The following FARS2 variants were observed in gnomAD, a reference collection of about 807,000 sequenced individuals.
FARS2 encodes the protein phenylalanyl-tRNA synthetase 2, mitochondrial.
A neutral mutation model predicts 46.4 loss-of-function variants in FARS2; 40 were observed. The observed-to-expected ratio is 0.86, with a 90% CI of 0.67 to 1.12. The LOEUF (loss-of-function observed/expected upper bound fraction) is 1.12, where lower values mean the gene tolerates loss of function less well. Ranked by LOEUF, FARS2 falls within the 50% of genes most tolerant of loss-of-function variation. FARS2 has a pLI of 0.00. For missense variants in FARS2, 513 were observed against 567.9 expected (o/e 0.90, Z 0.98); for synonymous variants, 234 against 214.9 (o/e 1.09, Z -0.78).
At chr6:5,673,779 G>A (rs141993705) in intron 6 of FARS2, among the ~76,000 whole-genome samples, 2 of 152,252 alleles carry the variant, frequency 1.3e-5, no homozygotes, top group African/African-American at 4.8e-5. Context: ...CCAGCATAAT[G>A]ATCTCTGCAG....
intron 6 of FARS2, among the ~76,000 whole-genome samples, chr6:5,704,297 G>T (rs905578214): frequency 9.9e-5 from 15 of 152,270 alleles, no homozygotes; most frequent in African/African-American, 3.6e-4. Flanking sequence ...GAGCTCTCCA[G>T]GGCCCCTTTA....
rs542223719 is a variant in FARS2 at position 5,691,554 on chromosome 6, T to C, written c.1217+78234T>C. Reference sequence around the variant, plus strand: ...TGCCTGATCGTTCCTCTGGAAGTTTTGTCTCAGAGGAGTACCCGGCCGTGT... The same window carrying C: ...TGCCTGATCGTTCCTCTGGAAGTTTCGTCTCAGAGGAGTACCCGGCCGTGT... On this transcript the variant is annotated intron_variant, in intron 6 of 6. Coordinates refer to ENST00000274680, the MANE Select transcript of FARS2 (RefSeq NM_006567.5). 5.8e-3 allele frequency among the ~76,000 whole-genome samples: 887 copies of C among 152,328 alleles called. 1 individual carries two copies. The highest frequency in any genetic ancestry group is 0.01 in the Non-Finnish European group (706 of 68,026).
intron 6 of FARS2, among the ~76,000 whole-genome samples, chr6:5,658,390 T>G (rs1042093124): frequency 6.6e-6 from 1 of 152,210 alleles, no homozygotes; most frequent in East Asian, 1.9e-4. Context: ...ACATAATCTT[T>G]CCAAGACTTT....
At chr6:5,409,629 G>A (rs528911180) in intron 3 of FARS2, among the ~76,000 whole-genome samples, 2 of 152,194 alleles carry the variant, frequency 1.3e-5, no homozygotes, top group South Asian at 4.1e-4. Context: ...CTGTAAGACT[G>A]AGCTGGCAGA....
intron 5 of FARS2, among the ~76,000 whole-genome samples, chr6:5,587,717 C>A (rs1200450854): frequency 6.6e-6 from 1 of 152,078 alleles, no homozygotes; most frequent in African/African-American, 2.4e-5. Context: ...TTAAAGAGAG[C>A]ATCTGTTAAC....
intron 4 of FARS2, among the ~76,000 whole-genome samples, chr6:5,465,437 T>C (rs967189026): frequency 1.3e-5 from 2 of 152,236 alleles, no homozygotes; most frequent in Admixed American, 1.3e-4. Context: ...TAGTCTTACT[T>C]GCGTATTATA....
At chr6:5,427,513 C>G (rs972664322) in intron 3 of FARS2, among the ~76,000 whole-genome samples, 43 of 152,134 alleles carry the variant, frequency 2.8e-4, no homozygotes, top group African/African-American at 1.0e-3. Context: ...GATTTTAAAA[C>G]GAAACTGAGC....
At chr6:5,260,932 G>C, upstream of FARS2, 1 of 1,353,988 alleles carries the variant, frequency 7.4e-7, no homozygotes, top group Non-Finnish European at 9.5e-7. Flanking sequence ...CGCTTCGGGG[G>C]CGGGCGCAGG....
At chr6:5,348,990 A>G (rs1757408374) in intron 1 of FARS2, among the ~76,000 whole-genome samples, 1 of 152,230 alleles carries the variant, frequency 6.6e-6, no homozygotes, top group Non-Finnish European at 1.5e-5. Flanking sequence ...AAGGCAAGGA[A>G]AATAAAAGAC....
chr6:5,574,895 A>C (rs1582483418), intron 5 of FARS2, among the ~76,000 whole-genome samples: 1 of 152,290 alleles, frequency 6.6e-6, no homozygotes, highest in East Asian at 1.9e-4. Context: ...CTGCATATAC[A>C]AAATGTCAGC....
intron 4 of FARS2, among the ~76,000 whole-genome samples, chr6:5,444,159 A>T (rs1316286597): frequency 6.6e-6 from 1 of 151,120 alleles, no homozygotes; most frequent in East Asian, 2.0e-4. Context: ...ATATGTTCGC[A>T]ATATAATCTT....
At chr6:5,340,654 G>T (rs1324701419) in intron 1 of FARS2, among the ~76,000 whole-genome samples, 2 of 152,184 alleles carry the variant, frequency 1.3e-5, no homozygotes, top group African/African-American at 2.4e-5. Flanking sequence ...ATGCAAAGAT[G>T]GAAGTAGGTC....
intron 6 of FARS2, among the ~76,000 whole-genome samples, chr6:5,750,858 A>T (rs1761906059): frequency 6.6e-6 from 1 of 152,122 alleles, no homozygotes; most frequent in Non-Finnish European, 1.5e-5. Flanking sequence ...CTCATCTGTG[A>T]TCATCTCTCA....
At chr6:5,696,335 A>T (rs982584611) in intron 6 of FARS2, among the ~76,000 whole-genome samples, 1 of 152,190 alleles carries the variant, frequency 6.6e-6, no homozygotes, top group African/African-American at 2.4e-5. Context: ...TTTTTATTTG[A>T]ATCTTGTTTT....
At chr6:5,434,268 C>T (rs1249385332) in intron 4 of FARS2, among the ~76,000 whole-genome samples, 1 of 152,112 alleles carries the variant, frequency 6.6e-6, no homozygotes, top group African/African-American at 2.4e-5. Flanking sequence ...CCCTCCACCA[C>T]ACCTGGCTAA....
chr6:5,456,244 A>G (rs1764852110), intron 4 of FARS2, among the ~76,000 whole-genome samples: 1 of 152,000 alleles, frequency 6.6e-6, no homozygotes, highest in African/African-American at 2.4e-5. Context: ...AAATAAACAA[A>G]TATTTATTGT....
chr6:5,364,647 G>C (rs1195494139), intron 1 of FARS2, among the ~76,000 whole-genome samples: 1 of 152,184 alleles, frequency 6.6e-6, no homozygotes, highest in South Asian at 2.1e-4. Context: ...CTCTATAGCA[G>C]CTATTCAATC....
chr6:5,658,180 C>T (rs1451241623), intron 6 of FARS2, among the ~76,000 whole-genome samples: 1 of 151,414 alleles, frequency 6.6e-6, no homozygotes, highest in Non-Finnish European at 1.5e-5. Context: ...TGCTTGAACC[C>T]GGAAGGTGGA....
At chr6:5,682,951 C>T (rs898838588) in intron 6 of FARS2, among the ~76,000 whole-genome samples, 7 of 152,092 alleles carry the variant, frequency 4.6e-5, no homozygotes, top group South Asian at 2.1e-4. Context: ...GGGGACATAG[C>T]GGGAACAGCA....
Sources: allele counts gnomAD v4.1 joint callset (sites outside exome capture counted in the v4.1 genomes callset), GRCh38; gene constraint gnomAD v4.1.1; transcripts MANE v1.5; gene names NCBI Gene and HGNC (gene_info 2026-07-23, HGNC 2026-07-21).